Variants in RANBP2 observed in about 807,000 individuals in gnomAD.
The protein encoded by RANBP2 is E3 SUMO-protein ligase RanBP2.
RANBP2 carries 57 observed loss-of-function variants against 303.6 expected under a neutral mutation model. That is an observed-to-expected ratio of 0.19 (90% CI 0.15 to 0.23). The LOEUF (loss-of-function observed/expected upper bound fraction) is 0.23, where lower values mean the gene tolerates loss of function less well. Among genes scored for constraint, RANBP2 ranks in the 10% least tolerant of loss-of-function variants. The pLI, the probability that RANBP2 is intolerant of heterozygous loss-of-function variation, is 1.00. For synonymous variants in RANBP2, 1,167 were observed against 1,301.5 expected, an observed-to-expected ratio of 0.90 and a Z score of 2.23; for missense variants, 3,138 against 3,780.8, an observed-to-expected ratio of 0.83 and a Z score of 4.46.
the RANBP2 span, among the ~76,000 whole-genome samples, chr2:108,970,269 A>C: frequency 1.3e-5 from 2 of 152,176 alleles, no homozygotes; most frequent in South Asian, 4.1e-4. Context: ...GAGTTAAAGA[A>C]GCTTCTTTAC....
intron 8 of RANBP2, 149 bp from the exon 9 acceptor site, chr2:108,748,771 G>C (rs561504847): frequency 4.8e-5 from 69 of 1,440,350 alleles, no homozygotes; most frequent in African/African-American, 2.3e-4. Flanking sequence ...CATAAGCACC[G>C]GTTTTGTTGT....
chr2:108,962,104 G>C, the RANBP2 span, among the ~76,000 whole-genome samples: 1 of 152,164 alleles, frequency 6.6e-6, no homozygotes, highest in Non-Finnish European at 1.5e-5. Context: ...ATGTCCAAGT[G>C]AGACTGTGAA....
chr2:109,025,966 A>G, the RANBP2 span, among the ~76,000 whole-genome samples: 2 of 151,836 alleles, frequency 1.3e-5, no homozygotes, highest in Non-Finnish European at 2.9e-5. Flanking sequence ...TCCTGGTGTA[A>G]TTGTTAGTAG....
At chr2:109,432,562 G>C in the RANBP2 span, 1 of 1,613,728 alleles carries the variant, frequency 6.2e-7, no homozygotes, top group Non-Finnish European at 8.5e-7. Flanking sequence ...GCACAAGGGA[G>C]AGATGTACCG....
At chr2:109,544,386 A>G in the RANBP2 span, 1 of 1,545,160 alleles carries the variant, frequency 6.5e-7, no homozygotes, top group Non-Finnish European at 8.6e-7. Context: ...AAAAATTAGC[A>G]AACATGCATC....
At chr2:108,815,884 CTT>C in the RANBP2 span, 3 of 1,429,464 alleles carry the variant, frequency 2.1e-6, no homozygotes, top group Non-Finnish European at 2.9e-6. Flanking sequence ...TAAGGTTTGT[CTT>C]TGAAGTTTTA....
the RANBP2 span, among the ~76,000 whole-genome samples, chr2:109,608,716 A>G: frequency 1.3e-5 from 2 of 152,250 alleles, no homozygotes; most frequent in Non-Finnish European, 2.9e-5. Context: ...CATTATGACT[A>G]TGAGATACAT....
chr2:109,173,528 C>G, the RANBP2 span, among the ~76,000 whole-genome samples: 1 of 152,284 alleles, frequency 6.6e-6, no homozygotes, highest in Admixed American at 6.5e-5. Flanking sequence ...TATGTATTGT[C>G]TGTGGCTGCC....
At chr2:109,192,517 T>A in the RANBP2 span, among the ~76,000 whole-genome samples, 1 of 152,210 alleles carries the variant, frequency 6.6e-6, no homozygotes, top group African/African-American at 2.4e-5. Context: ...TAAGCCTTTC[T>A]TATAGAGATT....
chr2:109,419,771 C>T, the RANBP2 span: 79 of 780,626 alleles, frequency 1.0e-4, no homozygotes, highest in African/African-American at 1.1e-3. Flanking sequence ...TAGTTATGTG[C>T]GTCTAATAAC....
chr2:108,973,114 T>G, the RANBP2 span, among the ~76,000 whole-genome samples: 1 of 152,162 alleles, frequency 6.6e-6, no homozygotes, highest in African/African-American at 2.4e-5. Context: ...AGCCTCCCCA[T>G]TAGCTGGGAT....
At chr2:108,810,244 G>C in the RANBP2 span, among the ~76,000 whole-genome samples, 1 of 152,292 alleles carries the variant, frequency 6.6e-6, no homozygotes, top group Non-Finnish European at 1.5e-5. Context: ...AAAATTTTCA[G>C]CTTTTCCCTG....
the RANBP2 span, chr2:108,846,655 C>T: frequency 8.1e-7 from 1 of 1,233,298 alleles, no homozygotes; most frequent in South Asian, 1.4e-5. Flanking sequence ...CCAACCTGGG[C>T]AACAGAGCAA....
the RANBP2 span, among the ~76,000 whole-genome samples, chr2:108,890,664 T>C: frequency 6.6e-6 from 1 of 152,236 alleles, no homozygotes; most frequent in Non-Finnish European, 1.5e-5. Context: ...TTGCAGAATG[T>C]ATCTTCCTGG....
chr2:109,047,673 G>A, the RANBP2 span, among the ~76,000 whole-genome samples: 11 of 152,196 alleles, frequency 7.2e-5, no homozygotes, highest in Admixed American at 7.2e-4. Context: ...AGCTGAGCGT[G>A]GTGGCAGGCA....
the RANBP2 span, among the ~76,000 whole-genome samples, chr2:109,601,991 T>G: frequency 6.6e-6 from 1 of 152,114 alleles, no homozygotes; most frequent in African/African-American, 2.4e-5. Context: ...ATGAATAGAC[T>G]AGTGAGGCAG....
chr2:108,722,392 G>T (rs537993486), intron 1 of RANBP2, among the ~76,000 whole-genome samples: 3 of 152,020 alleles, frequency 2.0e-5, no homozygotes, highest in Admixed American at 1.3e-4. Flanking sequence ...GACAAAACAG[G>T]GTGCTTTGGA....
chr2:109,436,306 C>T, the RANBP2 span, among the ~76,000 whole-genome samples: 1 of 152,206 alleles, frequency 6.6e-6, no homozygotes, highest in African/African-American at 2.4e-5. Flanking sequence ...CGTGAAAAGC[C>T]CCATTTCCAG....
At chr2:109,452,069 T>C in the RANBP2 span, among the ~76,000 whole-genome samples, 2 of 152,240 alleles carry the variant, frequency 1.3e-5, no homozygotes, top group Non-Finnish European at 2.9e-5. Flanking sequence ...AAACCACCTG[T>C]GAACATTTTG....
Sources: gnomAD v4.1 joint callset for allele counts (sites outside exome capture counted in the v4.1 genomes callset) on GRCh38, gnomAD v4.1.1 for gene constraint, MANE v1.5 for transcripts, NCBI Gene and HGNC (gene_info 2026-07-23, HGNC 2026-07-21) for gene names.